The following PDE11A variants were observed in gnomAD, a reference collection of about 807,000 sequenced individuals.
PDE11A encodes the protein dual 3',5'-cyclic-AMP and -GMP phosphodiesterase 11A.
Under a neutral mutation model 100.5 loss-of-function variants are expected in PDE11A, and 100 were observed. The ratio of observed to expected loss-of-function variants is 1.00; its 90% CI spans 0.85 to 1.18. PDE11A has a LOEUF of 1.18. Ranked by LOEUF, PDE11A falls within the 50% of genes most tolerant of loss-of-function variation. PDE11A has a pLI of 0.00. For missense variants in PDE11A, 1,141 were observed against 1,152.6 expected, an observed-to-expected ratio of 0.99 and a Z score of 0.15; for synonymous variants, 381 against 420.8, an observed-to-expected ratio of 0.91 and a Z score of 1.16.
At chr2:178,040,232 T>C (rs1391922062) in intron 1 of PDE11A, among the ~76,000 whole-genome samples, 1 of 152,064 alleles carries the variant, frequency 6.6e-6, no homozygotes, top group Non-Finnish European at 1.5e-5. Context: ...ACCTGGCTAA[T>C]TTTTGCATTT....
At chr2:177,755,475 T>C (rs1016849418) in intron 10 of PDE11A, among the ~76,000 whole-genome samples, 1 of 152,196 alleles carries the variant, frequency 6.6e-6, no homozygotes, top group Non-Finnish European at 1.5e-5. Flanking sequence ...ATGCAAAAGT[T>C]ACCTGCATGT....
At chr2:177,863,646 C>T (rs1053201290) in intron 5 of PDE11A, among the ~76,000 whole-genome samples, 2 of 151,990 alleles carry the variant, frequency 1.3e-5, no homozygotes, top group African/African-American at 4.8e-5. Flanking sequence ...GTGAGATACA[C>T]CTCATACCCA....
At chr2:177,854,139 G>GACCTATA (rs1394775258) in intron 5 of PDE11A, among the ~76,000 whole-genome samples, 15 of 151,806 alleles carry the variant, frequency 9.9e-5, no homozygotes, top group Non-Finnish European at 1.8e-4. Flanking sequence ...AGGGACAGCT[G>GACCTATA]ACCTATATAG....
At chr2:177,853,427 G>T (rs2083751212) in intron 5 of PDE11A, among the ~76,000 whole-genome samples, 1 of 151,496 alleles carries the variant, frequency 6.6e-6, no homozygotes, top group Non-Finnish European at 1.5e-5. Flanking sequence ...GTAGAGAGAT[G>T]TTAAATGTTT....
intron 2 of PDE11A, among the ~76,000 whole-genome samples, chr2:177,918,697 T>C (rs78005023): frequency 0.038 from 5,809 of 152,252 alleles, 380 homozygotes; most frequent in African/African-American, 0.13. Flanking sequence ...TGCCATAATC[T>C]CAAACTTAAA....
At chr2:177,750,507 T>C (rs1297191171) in intron 10 of PDE11A, among the ~76,000 whole-genome samples, 1 of 152,210 alleles carries the variant, frequency 6.6e-6, no homozygotes, top group Admixed American at 6.5e-5. Context: ...TGGCCACTGG[T>C]GGATGCCTCA....
chr2:177,829,848 A>C (rs1034022985), intron 6 of PDE11A, among the ~76,000 whole-genome samples: 21 of 151,926 alleles, frequency 1.4e-4, no homozygotes, highest in African/African-American at 5.1e-4. Context: ...CTTTCCCTTG[A>C]GTGTGGACAG....
intron 2 of PDE11A, among the ~76,000 whole-genome samples, chr2:178,007,647 G>C (rs1473030945): frequency 6.6e-6 from 1 of 151,848 alleles, no homozygotes; most frequent in Non-Finnish European, 1.5e-5. Context: ...CCATCTGCCA[G>C]GACTTTTAAA....
chr2:177,649,066 A>G (rs1435829740), intron 19 of PDE11A, among the ~76,000 whole-genome samples: 1 of 152,190 alleles, frequency 6.6e-6, no homozygotes, highest in Non-Finnish European at 1.5e-5. Context: ...TTGAAACTAT[A>G]ATGAGATAGA....
At chr2:177,647,511 AAG>A (rs2080240424) in intron 19 of PDE11A, among the ~76,000 whole-genome samples, 1 of 152,194 alleles carries the variant, frequency 6.6e-6, no homozygotes, top group African/African-American at 2.4e-5. Context: ...AGAGTCCCAA[AAG>A]AGAGTCCTAA....
intron 4 of PDE11A, among the ~76,000 whole-genome samples, chr2:177,885,299 A>G (rs939629649): frequency 6.6e-6 from 1 of 151,928 alleles, no homozygotes; most frequent in Admixed American, 6.6e-5. Context: ...TGCATCCACA[A>G]CCAAATGCAG....
At chr2:177,763,047 C>T (rs555059428) in intron 10 of PDE11A, among the ~76,000 whole-genome samples, 59 of 152,274 alleles carry the variant, frequency 3.9e-4, no homozygotes, top group African/African-American at 1.4e-3. Context: ...TTGATTAAGA[C>T]ACAATTCATA....
At chr2:178,068,654 C>A (rs951944145) in intron 1 of PDE11A, among the ~76,000 whole-genome samples, 4 of 152,090 alleles carry the variant, frequency 2.6e-5, no homozygotes, top group Non-Finnish European at 5.9e-5. Context: ...AAGATGCTTG[C>A]ATATATGGTA....
At chr2:177,717,310 C>T (rs982200514) in intron 12 of PDE11A, among the ~76,000 whole-genome samples, 3 of 151,954 alleles carry the variant, frequency 2.0e-5, no homozygotes, top group Admixed American at 6.6e-5. Flanking sequence ...CTCCCCCGCC[C>T]TCATCCATCT....
intron 2 of PDE11A, among the ~76,000 whole-genome samples, chr2:177,936,660 C>T (rs1326436639): frequency 3.3e-5 from 5 of 152,200 alleles, no homozygotes; most frequent in African/African-American, 9.7e-5. Context: ...GTGGCTCACG[C>T]CTGTAATCCC....
intron 1 of PDE11A, among the ~76,000 whole-genome samples, chr2:178,059,269 T>G (rs920718428): frequency 1.3e-5 from 2 of 152,170 alleles, no homozygotes; most frequent in African/African-American, 4.8e-5. Context: ...GTCCAGGGTA[T>G]GGGTATGGGG....
At chr2:177,763,809 C>T (rs1336329584) in intron 10 of PDE11A, among the ~76,000 whole-genome samples, 1 of 152,172 alleles carries the variant, frequency 6.6e-6, no homozygotes, top group Non-Finnish European at 1.5e-5. Flanking sequence ...TTGCACAGGG[C>T]GGTGGCTAGC....
rs150563935 is a variant in PDE11A at position 177,709,118 on chromosome 2, G to A, written c.2153+2651C>T. On this transcript the variant is annotated intron_variant, in intron 13 of 19. Transcript: ENST00000286063. ...ATGCATGAGTAGGGTGAGCTGCGGC[G>A]AGTGGGCACTGGGCCAGGGAAATGG... Among the ~76,000 whole-genome samples the A allele has an allele frequency of 4.8e-3, 727 of 152,298 alleles. 5 individuals carry two copies. The highest frequency in any genetic ancestry group is 0.01 in the Middle Eastern group (3 of 294).
chr2:177,719,410 G>A (rs2081492184), intron 12 of PDE11A, among the ~76,000 whole-genome samples: 1 of 152,122 alleles, frequency 6.6e-6, no homozygotes, highest in Non-Finnish European at 1.5e-5. Flanking sequence ...TGATGTCCAG[G>A]CACTGCAGCA....
Sources: gnomAD v4.1 joint callset for allele counts (sites outside exome capture counted in the v4.1 genomes callset) on GRCh38, gnomAD v4.1.1 for gene constraint, MANE v1.5 for transcripts, NCBI Gene and HGNC (gene_info 2026-07-23, HGNC 2026-07-21) for gene names.